The following HULC variants were observed in gnomAD, a reference collection of about 807,000 sequenced individuals.
HULC encodes the protein hepatocellular carcinoma up-regulated long non-coding RNA.
Position 8,653,600 on chromosome 6 carries a change from T to G in HULC, n.313+106386T>G, listed in dbSNP as rs1047081386. 4 of 152,218 alleles carry G rather than the reference T, an allele frequency of 2.6e-5. No individual in the cohort carries two copies. The highest frequency in any genetic ancestry group is 2.6e-4 in the Admixed American group (4 of 15,274). The allele number at this position is 152,218 out of a possible 1,614,324, so 9.4% of individuals were successfully genotyped here. A position where few individuals can be genotyped will look rare whatever the true frequency, so the allele number is the denominator to read the frequency against. On this transcript the variant is annotated intron_variant and non_coding_transcript_variant, in intron 3 of 8. Coordinates refer to ENST00000645747, the Ensembl canonical transcript of HULC. The surrounding 1 kb of genome is among the most constrained non-coding windows in gnomAD (Gnocchi z 4.3). Reference sequence around the variant, plus strand: ...GAAGTAAAGGCCGGAATATTCTTTGTTTAAAACATTAAAAACAAAACAGAC... The same window carrying G: ...GAAGTAAAGGCCGGAATATTCTTTGGTTAAAACATTAAAAACAAAACAGAC...
At position 8,652,782 on chromosome 6, in the gene HULC, G is replaced by T. The variant is rs1421060883; in HGVS notation, n.313+105568G>T. 1 of 152,352 alleles carries T rather than the reference G, an allele frequency of 6.6e-6. No homozygotes were observed. The highest frequency in any genetic ancestry group is 1.5e-5 in the Non-Finnish European group (1 of 68,204). The allele number at this position is 152,352 out of a possible 1,614,324, so 9.4% of individuals were successfully genotyped here. A position where few individuals can be genotyped will look rare whatever the true frequency, so the allele number is the denominator to read the frequency against. ...AGGAGGGGAGTGGGAAGGAGCTGAG[G>T]AGCTGCACTAGGCTGCTACCCCAGC... On this transcript the variant is annotated intron_variant and non_coding_transcript_variant, in intron 3 of 8. Transcript: ENST00000645747. This position sits in a 1 kb window ranked among gnomAD's most constrained non-coding sequence, Gnocchi z 5.0.
Position 8,653,747 on chromosome 6 carries a change from C to G in HULC, n.313+106533C>G, listed in dbSNP as rs1398566451. 6.6e-6 allele frequency: 1 copy of G among 151,876 alleles called. No individual in the cohort carries two copies. Among genetic ancestry groups the G allele is most frequent in the Admixed American group, 6.6e-5 (1 of 15,238 alleles). The allele number at this position is 151,876 out of a possible 1,614,324, so 9.4% of individuals were successfully genotyped here. A position where few individuals can be genotyped will look rare whatever the true frequency, so the allele number is the denominator to read the frequency against. On this transcript the variant is annotated intron_variant and non_coding_transcript_variant, in intron 3 of 8. Coordinates refer to ENST00000645747, the Ensembl canonical transcript of HULC. The surrounding 1 kb of genome is among the most constrained non-coding windows in gnomAD (Gnocchi z 4.3). ...CTTTCTCCCTGAATTATGTTGTTAT[C>G]AAAGAAAAAAATTGGGAAGCATGGC...
In HULC at chr6:8,652,840, T is replaced by TCCC; in HGVS notation, n.313+105626_313+105627insCCC. On this transcript the variant is annotated intron_variant and non_coding_transcript_variant, in intron 3 of 8. Transcript: ENST00000645747. This position sits in a 1 kb window ranked among gnomAD's most constrained non-coding sequence, Gnocchi z 5.0. ...TTGAACTGGCACTGGGACAACCATG[T>TCCC]ATGCTGTCTGAAGCACAGCCTGACG... 6.6e-6 allele frequency: 1 copy of TCCC among 152,316 alleles called. No individual in the cohort carries two copies. Among genetic ancestry groups the TCCC allele is most frequent in the Non-Finnish European group, 1.5e-5 (1 of 68,130 alleles). 9.4% of individuals were successfully genotyped at this position (152,316 alleles called of 1,614,324 possible).
Position 8,652,438 on chromosome 6 carries a change from C to G in HULC, n.313+105224C>G, listed in dbSNP as rs2038540. The G allele has an allele frequency of 0.18, 27,764 of 152,286 alleles. 3,159 individuals carry two copies. The highest frequency in any genetic ancestry group is 0.25 in the East Asian group (1,299 of 5,174). 9.4% of individuals were successfully genotyped at this position (152,286 alleles called of 1,614,324 possible). A position where few individuals can be genotyped will look rare whatever the true frequency, so the allele number is the denominator to read the frequency against. ...AGTCTTTGTTATTTTTTATAGCAGC[C>G]TAAGCGGACTGAGACACGTGAAGGT... is the stretch of plus-strand genomic sequence containing the variant. On this transcript the variant is annotated intron_variant and non_coding_transcript_variant, in intron 3 of 8. Transcript: ENST00000645747. The surrounding 1 kb of genome is among the most constrained non-coding windows in gnomAD (Gnocchi z 5.0).
In HULC at chr6:8,653,756, A is replaced by C. The variant is rs1032719511; in HGVS notation, n.313+106542A>C. On this transcript the variant is annotated intron_variant and non_coding_transcript_variant, in intron 3 of 8. Coordinates refer to ENST00000645747, the Ensembl canonical transcript of HULC. This position sits in a 1 kb window ranked among gnomAD's most constrained non-coding sequence, Gnocchi z 4.3. ...TGAATTATGTTGTTATCAAAGAAAAAAATTGGGAAGCATGGCAAAATATCA... is the reference window on the plus strand; with the variant it reads ...TGAATTATGTTGTTATCAAAGAAAACAATTGGGAAGCATGGCAAAATATCA... 9 of 152,174 alleles carry C rather than the reference A, an allele frequency of 5.9e-5. No homozygotes were observed. Among genetic ancestry groups the C allele is most frequent in the African/African-American group, 1.7e-4 (7 of 41,450 alleles). 9.4% of individuals were successfully genotyped at this position (152,174 alleles called of 1,614,324 possible).
Position 8,653,729 on chromosome 6 carries a change from C to G in HULC, n.313+106515C>G, listed in dbSNP as rs891010659. The G allele has an allele frequency of 6.6e-6, 1 of 152,032 alleles. No homozygotes were observed. The highest frequency in any genetic ancestry group is 1.5e-5 in the Non-Finnish European group (1 of 67,996). 9.4% of individuals were successfully genotyped at this position (152,032 alleles called of 1,614,324 possible). A position where few individuals can be genotyped will look rare whatever the true frequency, so the allele number is the denominator to read the frequency against. ...ACCTGTGGCAAATTTGTACTTTCTC[C>G]CTGAATTATGTTGTTATCAAAGAAA... On this transcript the variant is annotated intron_variant and non_coding_transcript_variant, in intron 3 of 8. Coordinates refer to ENST00000645747, the Ensembl canonical transcript of HULC. The surrounding 1 kb of genome is among the most constrained non-coding windows in gnomAD (Gnocchi z 4.3).
At position 8,652,670 on chromosome 6, in the gene HULC, C is replaced by G. The variant is rs1379525901; in HGVS notation, n.313+105456C>G. The G allele has an allele frequency of 6.6e-6, 1 of 152,324 alleles. No individual in the cohort carries two copies. Among genetic ancestry groups the G allele is most frequent in the East Asian group, 1.9e-4 (1 of 5,176 alleles). 9.4% of individuals were successfully genotyped at this position (152,324 alleles called of 1,614,324 possible). A position where few individuals can be genotyped will look rare whatever the true frequency, so the allele number is the denominator to read the frequency against. ...CCTCTTACCACCTGTTAGCCTCCAT[C>G]TTTGATTATGGAATCGATTTGCTGG... is the stretch of plus-strand genomic sequence containing the variant. On this transcript the variant is annotated intron_variant and non_coding_transcript_variant, in intron 3 of 8. Coordinates refer to ENST00000645747, the Ensembl canonical transcript of HULC. This position sits in a 1 kb window ranked among gnomAD's most constrained non-coding sequence, Gnocchi z 5.0.
rs1767325757 is a variant in HULC at position 8,653,280 on chromosome 6, AT to A, written n.313+106069del. ...AATTTAACACAAGGCAGAGAATAAGATTTGAGTAAAAGAGAGAGTTATATAA... is the reference window on the plus strand; with the variant it reads ...AATTTAACACAAGGCAGAGAATAAGATTGAGTAAAAGAGAGAGTTATATAA... On this transcript the variant is annotated intron_variant and non_coding_transcript_variant, in intron 3 of 8. Coordinates refer to ENST00000645747, the Ensembl canonical transcript of HULC. This position sits in a 1 kb window ranked among gnomAD's most constrained non-coding sequence, Gnocchi z 4.3. 1 of 152,180 alleles carries A rather than the reference AT, an allele frequency of 6.6e-6. No homozygotes were observed. The highest frequency in any genetic ancestry group is 2.1e-4 in the South Asian group (1 of 4,834). 9.4% of individuals were successfully genotyped at this position (152,180 alleles called of 1,614,324 possible).
In HULC at chr6:8,653,048, A is replaced by G. The variant is rs1369565821; in HGVS notation, n.313+105834A>G. On this transcript the variant is annotated intron_variant and non_coding_transcript_variant, in intron 3 of 8. Coordinates refer to ENST00000645747, the Ensembl canonical transcript of HULC. This position sits in a 1 kb window ranked among gnomAD's most constrained non-coding sequence, Gnocchi z 4.3. ...TTGCAAATCCACAACACAGCACCAG[A>G]ATATTACCTAGGATTATATTCGACC... The G allele has an allele frequency of 6.6e-6, 1 of 152,192 alleles. No homozygotes were observed. The highest frequency in any genetic ancestry group is 1.5e-5 in the Non-Finnish European group (1 of 68,048). 9.4% of individuals were successfully genotyped at this position (152,192 alleles called of 1,614,324 possible). A position where few individuals can be genotyped will look rare whatever the true frequency, so the allele number is the denominator to read the frequency against.
rs76125678 is a variant in HULC at position 8,652,559 on chromosome 6, G to A, written n.313+105345G>A. ...CGGGGCAGGAAGTTGGGAGAAAAGA[G>A]GGCGTGAAATAGAGAGGGGTTCGAA... On this transcript the variant is annotated intron_variant and non_coding_transcript_variant, in intron 3 of 8. Coordinates refer to ENST00000645747, the Ensembl canonical transcript of HULC. This position sits in a 1 kb window ranked among gnomAD's most constrained non-coding sequence, Gnocchi z 5.0. The A allele has an allele frequency of 9.5e-3, 1,451 of 152,734 alleles. 10 individuals are homozygous for A. Among genetic ancestry groups the A allele is most frequent in the Non-Finnish European group, 0.014 (956 of 68,374 alleles). 9.5% of individuals were successfully genotyped at this position (152,734 alleles called of 1,614,324 possible).
rs1310106524 is a variant in HULC at position 8,653,438 on chromosome 6, T to C, written n.313+106224T>C. On this transcript the variant is annotated intron_variant and non_coding_transcript_variant, in intron 3 of 8. Coordinates refer to ENST00000645747, the Ensembl canonical transcript of HULC. This position sits in a 1 kb window ranked among gnomAD's most constrained non-coding sequence, Gnocchi z 4.3. Reference sequence around the variant, plus strand: ...CATACAGATGTAGAACAATATGGTCTTGGGAAGCTGAAAATGCTAACTGAA... The same window carrying C: ...CATACAGATGTAGAACAATATGGTCCTGGGAAGCTGAAAATGCTAACTGAA... The C allele has an allele frequency of 6.6e-6, 1 of 152,094 alleles. No individual in the cohort carries two copies. The highest frequency in any genetic ancestry group is 1.5e-5 in the Non-Finnish European group (1 of 68,028). 9.4% of individuals were successfully genotyped at this position (152,094 alleles called of 1,614,324 possible). A position where few individuals can be genotyped will look rare whatever the true frequency, so the allele number is the denominator to read the frequency against.
At position 8,653,291 on chromosome 6, in the gene HULC, A is replaced by C. The variant is rs1426118522; in HGVS notation, n.313+106077A>C. 6.6e-6 allele frequency among the ~76,000 whole-genome samples: 1 copy of C among 151,754 alleles called. No homozygotes were observed. The highest frequency in any genetic ancestry group is 2.4e-5 in the African/African-American group (1 of 41,062). On this transcript the variant is annotated intron_variant and non_coding_transcript_variant, in intron 3 of 8. Coordinates refer to ENST00000645747, the Ensembl canonical transcript of HULC. This position sits in a 1 kb window ranked among gnomAD's most constrained non-coding sequence, Gnocchi z 4.3. ...AGGCAGAGAATAAGATTTGAGTAAA[A>C]GAGAGAGTTATATAAAATTGATGCT...
In HULC at chr6:8,653,825, A is replaced by G. The variant is rs1767337480; in HGVS notation, n.313+106611A>G. The G allele has an allele frequency of 2.6e-5, 4 of 152,178 alleles. No individual in the cohort carries two copies. The South Asian group carries it at 8.3e-4, about 31-fold the overall frequency. The allele number at this position is 152,178 out of a possible 1,614,324, so 9.4% of individuals were successfully genotyped here. A position where few individuals can be genotyped will look rare whatever the true frequency, so the allele number is the denominator to read the frequency against. ...TTAAACAAAACTAAATTAAAATGAA[A>G]TAAAATGATGTCCATTCTTAATTCA... On this transcript the variant is annotated intron_variant and non_coding_transcript_variant, in intron 3 of 8. Coordinates refer to ENST00000645747, the Ensembl canonical transcript of HULC. This position sits in a 1 kb window ranked among gnomAD's most constrained non-coding sequence, Gnocchi z 4.3.
rs1408097273 is a variant in HULC, at chr6:8,653,742, G to T, written n.313+106528G>T. On this transcript the variant is annotated intron_variant and non_coding_transcript_variant, in intron 3 of 8. Coordinates refer to ENST00000645747, the Ensembl canonical transcript of HULC. The surrounding 1 kb of genome is among the most constrained non-coding windows in gnomAD (Gnocchi z 4.3). ...TTGTACTTTCTCCCTGAATTATGTT[G>T]TTATCAAAGAAAAAAATTGGGAAGC... The T allele has an allele frequency of 6.6e-6, 1 of 152,000 alleles. No individual in the cohort carries two copies. Among genetic ancestry groups the T allele is most frequent in the African/African-American group, 2.4e-5 (1 of 41,384 alleles). 9.4% of individuals were successfully genotyped at this position (152,000 alleles called of 1,614,324 possible). A position where few individuals can be genotyped will look rare whatever the true frequency, so the allele number is the denominator to read the frequency against.
In HULC at chr6:8,652,298, G is replaced by C. The variant is rs1661466114; in HGVS notation, n.313+105084G>C. ...TTATGCCACGTGAGGATACAGCAAG[G>C]CCCCAATCTGCAAGCCAGGAAGAGT... On this transcript the variant is annotated intron_variant and non_coding_transcript_variant, in intron 3 of 8. Coordinates refer to ENST00000645747, the Ensembl canonical transcript of HULC. This position sits in a 1 kb window ranked among gnomAD's most constrained non-coding sequence, Gnocchi z 5.0. 1 of 152,234 alleles carries C rather than the reference G, an allele frequency of 6.6e-6. No individual in the cohort carries two copies. Among genetic ancestry groups the C allele is most frequent in the Non-Finnish European group, 1.5e-5 (1 of 68,104 alleles). The allele number at this position is 152,234 out of a possible 1,614,324, so 9.4% of individuals were successfully genotyped here.
At position 8,653,431 on chromosome 6, in the gene HULC, T is replaced by C. The variant is rs1767328886; in HGVS notation, n.313+106217T>C. ...GCTCTTACATACAGATGTAGAACAATATGGTCTTGGGAAGCTGAAAATGCT... is the reference window on the plus strand; with the variant it reads ...GCTCTTACATACAGATGTAGAACAACATGGTCTTGGGAAGCTGAAAATGCT... On this transcript the variant is annotated intron_variant and non_coding_transcript_variant, in intron 3 of 8. Coordinates refer to ENST00000645747, the Ensembl canonical transcript of HULC. The surrounding 1 kb of genome is among the most constrained non-coding windows in gnomAD (Gnocchi z 4.3). 6.6e-6 allele frequency: 1 copy of C among 152,004 alleles called. No homozygotes were observed. Among genetic ancestry groups the C allele is most frequent in the African/African-American group, 2.4e-5 (1 of 41,374 alleles). The allele number at this position is 152,004 out of a possible 1,614,324, so 9.4% of individuals were successfully genotyped here.
Position 8,652,541 on chromosome 6 carries a change from G to A in HULC, n.313+105327G>A, listed in dbSNP as rs1441405366. The A allele has an allele frequency of 6.6e-6, 1 of 152,560 alleles. No individual in the cohort carries two copies. The highest frequency in any genetic ancestry group is 2.4e-5 in the African/African-American group (1 of 41,472). 9.5% of individuals were successfully genotyped at this position (152,560 alleles called of 1,614,324 possible). A position where few individuals can be genotyped will look rare whatever the true frequency, so the allele number is the denominator to read the frequency against. The stretch of plus-strand genomic sequence containing the variant: ...GCTGAAGCTTTAAGTCCACGGGGCA[G>A]GAAGTTGGGAGAAAAGAGGGCGTGA... On this transcript the variant is annotated intron_variant and non_coding_transcript_variant, in intron 3 of 8. Transcript: ENST00000645747. This position sits in a 1 kb window ranked among gnomAD's most constrained non-coding sequence, Gnocchi z 5.0.
rs1767315072 is a variant in HULC at position 8,652,490 on chromosome 6, G to A, written n.313+105276G>A. Reference sequence around the variant, plus strand: ...GACTGAGACACATGAAGCAGTCAGTGTGGGGCTGTTCCTTCACTATCTGGT... The same window carrying A: ...GACTGAGACACATGAAGCAGTCAGTATGGGGCTGTTCCTTCACTATCTGGT... On this transcript the variant is annotated intron_variant and non_coding_transcript_variant, in intron 3 of 8. Coordinates refer to ENST00000645747, the Ensembl canonical transcript of HULC. The surrounding 1 kb of genome is among the most constrained non-coding windows in gnomAD (Gnocchi z 5.0). 6.6e-6 allele frequency: 1 copy of A among 152,342 alleles called. No homozygotes were observed. The highest frequency in any genetic ancestry group is 1.5e-5 in the Non-Finnish European group (1 of 68,144). 9.4% of individuals were successfully genotyped at this position (152,342 alleles called of 1,614,324 possible).
rs1202372425 is a variant in HULC, at chr6:8,652,460, A to C, written n.313+105246A>C. The C allele has an allele frequency of 6.6e-6, 1 of 152,276 alleles. No homozygotes were observed. Among genetic ancestry groups the C allele is most frequent in the African/African-American group, 2.4e-5 (1 of 41,458 alleles). The allele number at this position is 152,276 out of a possible 1,614,324, so 9.4% of individuals were successfully genotyped here. A position where few individuals can be genotyped will look rare whatever the true frequency, so the allele number is the denominator to read the frequency against. ...AGCCTAAGCGGACTGAGACACGTGA[A>C]GGTGGACTGAGACACATGAAGCAGT... On this transcript the variant is annotated intron_variant and non_coding_transcript_variant, in intron 3 of 8. Coordinates refer to ENST00000645747, the Ensembl canonical transcript of HULC. This position sits in a 1 kb window ranked among gnomAD's most constrained non-coding sequence, Gnocchi z 5.0.
Sources: gnomAD v4.1 joint callset for allele counts (sites outside exome capture counted in the v4.1 genomes callset) on GRCh38, gnomAD v4.1.1 for gene constraint, Gnocchi (gnomAD v3.1) non-coding constraint, MANE v1.5 for transcripts, NCBI Gene and HGNC (gene_info 2026-07-23, HGNC 2026-07-21) for gene names.